The following CHRM3 variants were observed in gnomAD, a reference collection of about 807,000 sequenced individuals.
The protein encoded by CHRM3 is cholinergic receptor muscarinic 3.
A neutral mutation model predicts 41.8 loss-of-function variants in CHRM3; 11 were observed. The ratio of observed to expected loss-of-function variants is 0.26; its 90% CI spans 0.17 to 0.44. The LOEUF (loss-of-function observed/expected upper bound fraction) is 0.44. Ranked by LOEUF, CHRM3 falls within the 20% of genes least tolerant of loss-of-function variation. The pLI is 1.00. For synonymous variants in CHRM3, 297 were observed against 301.4 expected, an observed-to-expected ratio of 0.99 and a Z score of 0.15; for missense variants, 571 against 745.4, an observed-to-expected ratio of 0.77 and a Z score of 2.72.
chr1:239,716,544 C>A (rs1257280837), intron 5 of CHRM3, among the ~76,000 whole-genome samples: 2 of 152,120 alleles, frequency 1.3e-5, no homozygotes, highest in Non-Finnish European at 2.9e-5. Flanking sequence ...GAAGGCTTCA[C>A]TGGGACTCCA....
At chr1:239,723,297 G>GA (rs1433469003) in intron 5 of CHRM3, among the ~76,000 whole-genome samples, 4 of 151,548 alleles carry the variant, frequency 2.6e-5, no homozygotes, top group South Asian at 2.1e-4. Context: ...ATAAAATAAG[G>GA]AAAAAAATAA....
intron 1 of CHRM3, among the ~76,000 whole-genome samples, chr1:239,439,538 A>G (rs1663541292): frequency 2.0e-5 from 3 of 152,194 alleles, no homozygotes; most frequent in African/African-American, 7.2e-5. Flanking sequence ...AATAGGGTCA[A>G]AGAAGGGTGA....
chr1:239,796,324 A>C (rs1458752813), intron 5 of CHRM3, among the ~76,000 whole-genome samples: 1 of 152,198 alleles, frequency 6.6e-6, no homozygotes, highest in Non-Finnish European at 1.5e-5. Context: ...GTGGAAAACA[A>C]AGATTTTTAT....
intron 5 of CHRM3, among the ~76,000 whole-genome samples, chr1:239,724,404 T>C (rs1663247808): frequency 6.6e-6 from 1 of 151,976 alleles, no homozygotes; most frequent in Non-Finnish European, 1.5e-5. Flanking sequence ...CCATATATGG[T>C]AGTGGCTAAG....
Position 239,901,821 on chromosome 1 carries a change from C to T in CHRM3, c.-19-5612C>T, listed in dbSNP as rs549555483. ...AAATGCTTCAGTTAATAGCCTTGGGCGTGTCTCCTTGTGTACATACGAATG... is the reference window on the plus strand; with the variant it reads ...AAATGCTTCAGTTAATAGCCTTGGGTGTGTCTCCTTGTGTACATACGAATG... On this transcript the variant is annotated intron_variant, in intron 6 of 6. Coordinates refer to ENST00000676153, the MANE Select transcript of CHRM3 (RefSeq NM_001375978.1). Among the ~76,000 whole-genome samples, 53 of 152,218 alleles carry T rather than the reference C, an allele frequency of 3.5e-4. No individual in the cohort carries two copies. In the South Asian group the frequency reaches 6.0e-3, roughly 17 times the overall value.
intron 5 of CHRM3, among the ~76,000 whole-genome samples, chr1:239,713,457 A>C (rs1407936238): frequency 6.6e-6 from 1 of 152,196 alleles, no homozygotes; most frequent in Non-Finnish European, 1.5e-5. Context: ...AGGGGAACAA[A>C]ATAAAATAAT....
chr1:239,793,868 A>G (rs976927972), intron 5 of CHRM3, among the ~76,000 whole-genome samples: 1 of 125,860 alleles, frequency 7.9e-6, no homozygotes, highest in Non-Finnish European at 1.6e-5. Context: ...GCTGGAGTGC[A>G]ATGGTGCGAT....
At chr1:239,622,190 A>G (rs952770725) in intron 3 of CHRM3, among the ~76,000 whole-genome samples, 1 of 152,148 alleles carries the variant, frequency 6.6e-6, no homozygotes, top group Non-Finnish European at 1.5e-5. Context: ...AAATATTACT[A>G]TTCACTGACA....
chr1:239,885,302 G>T (rs1275999924), intron 6 of CHRM3, among the ~76,000 whole-genome samples: 2 of 152,092 alleles, frequency 1.3e-5, no homozygotes, highest in Non-Finnish European at 2.9e-5. Flanking sequence ...TTAAAACATA[G>T]ATTTCTGGGC....
intron 5 of CHRM3, among the ~76,000 whole-genome samples, chr1:239,740,267 A>G (rs1664722040): frequency 6.6e-6 from 1 of 152,224 alleles, no homozygotes; most frequent in South Asian, 2.1e-4. Flanking sequence ...TTGTCTTTTA[A>G]TACAACAACT....
At chr1:239,431,932 C>T (rs559805558) in intron 1 of CHRM3, among the ~76,000 whole-genome samples, 1 of 152,204 alleles carries the variant, frequency 6.6e-6, no homozygotes, top group African/African-American at 2.4e-5. Context: ...TTGTACAACC[C>T]CAGTAATCCC....
chr1:239,780,952 T>G (rs1450561023), intron 5 of CHRM3, among the ~76,000 whole-genome samples: 1 of 152,134 alleles, frequency 6.6e-6, no homozygotes, highest in African/African-American at 2.4e-5. Context: ...ATTTCTGGGC[T>G]CTCTATTTTG....
At chr1:239,646,021 G>A (rs1178509333) in intron 4 of CHRM3, among the ~76,000 whole-genome samples, 3 of 152,002 alleles carry the variant, frequency 2.0e-5, no homozygotes, top group African/African-American at 7.2e-5. Flanking sequence ...CACAATACAT[G>A]CCAAGTGTAA....
At position 239,387,957 on chromosome 1, in the gene CHRM3, A is replaced by C. The variant is rs569454279; in HGVS notation, c.-521+730A>C. 4.6e-4 allele frequency among the ~76,000 whole-genome samples: 70 copies of C among 152,004 alleles called. No homozygotes were observed. The highest frequency in any genetic ancestry group is 1.5e-3 in the African/African-American group (62 of 41,440). On this transcript the variant is annotated intron_variant, in intron 1 of 6. Coordinates refer to ENST00000676153, the MANE Select transcript of CHRM3 (RefSeq NM_001375978.1). This position sits in a 1 kb window ranked among gnomAD's most constrained non-coding sequence, Gnocchi z 5.1. ...GCATAGCCTCCTAATAGCGAGGTTA[A>C]TTTTTGCGTGTTTTTAAACGGCGGG...
chr1:239,591,277 G>A (rs1384690260), intron 3 of CHRM3, among the ~76,000 whole-genome samples: 1 of 152,054 alleles, frequency 6.6e-6, no homozygotes, highest in African/African-American at 2.4e-5. Flanking sequence ...TGTGACACAC[G>A]CTTCCATTAC....
intron 5 of CHRM3, among the ~76,000 whole-genome samples, chr1:239,793,910 T>C (rs1163646176): frequency 7.2e-6 from 1 of 139,840 alleles, no homozygotes; most frequent in Non-Finnish European, 1.5e-5. Flanking sequence ...CCTCCTGGGC[T>C]CAAATTTTCC....
In CHRM3 at chr1:239,568,818, A is replaced by G. The variant is rs538352322; in HGVS notation, c.-313+23069A>G. Among the ~76,000 whole-genome samples, 17 of 152,298 alleles carry G rather than the reference A, an allele frequency of 1.1e-4. No homozygotes were observed. The South Asian group carries it at 2.7e-3, about 24-fold the overall frequency. On this transcript the variant is annotated intron_variant, in intron 3 of 6. Coordinates refer to ENST00000676153, the MANE Select transcript of CHRM3 (RefSeq NM_001375978.1). The stretch of plus-strand genomic sequence containing the variant: ...AAGCATGATAAATAATCCCCAAGGA[A>G]GAACAGGGACAAGGTCTCTACTCAC...
chr1:239,824,490 A>G (rs957717568), intron 5 of CHRM3, among the ~76,000 whole-genome samples: 4 of 152,218 alleles, frequency 2.6e-5, no homozygotes, highest in African/African-American at 7.2e-5. Flanking sequence ...AAAACCTCTT[A>G]TCTACAGATA....
chr1:239,538,649 A>T (rs968924557), intron 2 of CHRM3, among the ~76,000 whole-genome samples: 1 of 152,268 alleles, frequency 6.6e-6, no homozygotes, highest in East Asian at 1.9e-4. Flanking sequence ...TCATTGGAAC[A>T]TCAGCATAGC....
Sources: allele counts gnomAD v4.1 joint callset (sites outside exome capture counted in the v4.1 genomes callset), GRCh38; gene constraint gnomAD v4.1.1; non-coding constraint Gnocchi (gnomAD v3.1); transcripts MANE v1.5; gene names NCBI Gene and HGNC (gene_info 2026-07-23, HGNC 2026-07-21).